Variants in CATSPERT observed in about 807,000 individuals in gnomAD.
CATSPERT encodes catsper channel auxiliary subunit tau, also known as cation channel sperm-associated targeting subunit tau.
the CATSPERT span, among the ~76,000 whole-genome samples, chr2:201,558,590 C>G: frequency 6.6e-6 from 1 of 152,218 alleles, no homozygotes; most frequent in Non-Finnish European, 1.5e-5. Flanking sequence ...CCACCAGCCC[C>G]CATTGCCACC....
chr2:201,496,116 A>C, the CATSPERT span: 1 of 465,884 alleles, frequency 2.1e-6, no homozygotes. Context: ...ATTATGAAAG[A>C]AATCTATATA....
the CATSPERT span, among the ~76,000 whole-genome samples, chr2:201,537,726 A>G: frequency 4.6e-5 from 7 of 151,944 alleles, no homozygotes; most frequent in African/African-American, 7.2e-5. Flanking sequence ...GGTACATGCT[A>G]TATTTTTTAA....
chr2:201,543,121 TTG>T, the CATSPERT span, among the ~76,000 whole-genome samples: 1 of 152,220 alleles, frequency 6.6e-6, no homozygotes, highest in Non-Finnish European at 1.5e-5. Context: ...TCTTTCCTCA[TTG>T]TGTGTATTCT....
chr2:201,556,441 G>A, the CATSPERT span, among the ~76,000 whole-genome samples: 1 of 151,034 alleles, frequency 6.6e-6, no homozygotes, highest in East Asian at 2.0e-4. Context: ...CCCGGGAGGC[G>A]GAGCTTGCAG....
the CATSPERT span, among the ~76,000 whole-genome samples, chr2:201,545,838 G>C: frequency 6.6e-6 from 1 of 152,046 alleles, no homozygotes; most frequent in Non-Finnish European, 1.5e-5. Flanking sequence ...CTGGCTAGGA[G>C]TTGATGTTCC....
At chr2:201,504,031 C>T in the CATSPERT span, among the ~76,000 whole-genome samples, 2 of 152,272 alleles carry the variant, frequency 1.3e-5, no homozygotes, top group Non-Finnish European at 2.9e-5. Context: ...TAATTTTCTA[C>T]CTTATCTTTC....
At chr2:201,526,149 A>G in the CATSPERT span, among the ~76,000 whole-genome samples, 9 of 152,298 alleles carry the variant, frequency 5.9e-5, no homozygotes, top group Admixed American at 5.2e-4. Flanking sequence ...AAAACCTAGC[A>G]GAGACACAAC....
At chr2:201,530,961 G>GTTTT in the CATSPERT span, among the ~76,000 whole-genome samples, 10 of 106,040 alleles carry the variant, frequency 9.4e-5, no homozygotes, top group Admixed American at 6.3e-4. Flanking sequence ...TTTTTTGTGG[G>GTTTT]TTTTTTTTTT....
At chr2:201,542,754 A>T in the CATSPERT span, among the ~76,000 whole-genome samples, 1 of 152,140 alleles carries the variant, frequency 6.6e-6, no homozygotes, top group Non-Finnish European at 1.5e-5. Flanking sequence ...TTGGAATATT[A>T]GCCCTTTAAC....
At chr2:201,602,096 T>C in the CATSPERT span, among the ~76,000 whole-genome samples, 2 of 152,144 alleles carry the variant, frequency 1.3e-5, no homozygotes, top group African/African-American at 4.8e-5. Context: ...TTACATCCCT[T>C]ATATTTTTAA....
At chr2:201,606,978 G>A in the CATSPERT span, among the ~76,000 whole-genome samples, 1 of 150,458 alleles carries the variant, frequency 6.6e-6, no homozygotes, top group Admixed American at 6.6e-5. Context: ...AGATTCAAAT[G>A]TTACTACTAC....
At chr2:201,590,466 A>G in the CATSPERT span, among the ~76,000 whole-genome samples, 1 of 152,026 alleles carries the variant, frequency 6.6e-6, no homozygotes, top group Non-Finnish European at 1.5e-5. Flanking sequence ...GTGTCTTTAT[A>G]GCAGCATGAT....
the CATSPERT span, among the ~76,000 whole-genome samples, chr2:201,562,310 C>T: frequency 6.6e-6 from 1 of 151,124 alleles, no homozygotes. Context: ...CCCTCAGCCT[C>T]CCGAGTAGGT....
chr2:201,499,678 A>G, the CATSPERT span, among the ~76,000 whole-genome samples: 2 of 151,824 alleles, frequency 1.3e-5, no homozygotes, highest in Non-Finnish European at 2.9e-5. Context: ...TACAAAAAAT[A>G]CAAAAAATTA....
the CATSPERT span, chr2:201,582,050 A>G: frequency 1.3e-6 from 2 of 1,582,710 alleles, no homozygotes; most frequent in Non-Finnish European, 1.7e-6. Context: ...TGGACAACCA[A>G]CTGGCAACGT....
At chr2:201,578,192 T>C in the CATSPERT span, among the ~76,000 whole-genome samples, 1 of 152,100 alleles carries the variant, frequency 6.6e-6, no homozygotes, top group South Asian at 2.1e-4. Context: ...GAATAATAAA[T>C]ACAAAGTTTT....
chr2:201,495,749 A>G, the CATSPERT span: 3 of 291,162 alleles, frequency 1.0e-5, no homozygotes, highest in Admixed American at 5.7e-5. Context: ...GAGATTCATT[A>G]GGTCAGAAGT....
the CATSPERT span, among the ~76,000 whole-genome samples, chr2:201,608,118 A>G: frequency 6.6e-6 from 1 of 152,176 alleles, no homozygotes; most frequent in African/African-American, 2.4e-5. Context: ...CTGAGCTGGG[A>G]CTCATATAGG....
At chr2:201,531,901 A>G in the CATSPERT span, among the ~76,000 whole-genome samples, 1 of 152,222 alleles carries the variant, frequency 6.6e-6, no homozygotes, top group Non-Finnish European at 1.5e-5. Flanking sequence ...GCCATTGAAG[A>G]ATACTGATCA....
Sources: allele counts gnomAD v4.1 joint callset (sites outside exome capture counted in the v4.1 genomes callset), GRCh38; gene constraint gnomAD v4.1.1; transcripts MANE v1.5; gene names NCBI Gene and HGNC (gene_info 2026-07-23, HGNC 2026-07-21).